PAX5: variants seen among roughly 807,000 people sequenced by gnomAD.
The protein encoded by PAX5 is paired box 5.
Under a neutral mutation model 43.7 loss-of-function variants are expected in PAX5, and 9 were observed. The ratio of observed to expected loss-of-function variants is 0.21; its 90% CI spans 0.12 to 0.36. The LOEUF is 0.36. Ranked by LOEUF, PAX5 falls within the 10% of genes least tolerant of loss-of-function variation. The pLI is 1.00. For missense variants in PAX5, 383 were observed against 532.7 expected (o/e 0.72, Z 2.77); for synonymous variants, 228 against 214.3 (o/e 1.06, Z -0.56).
At chr9:36,930,739 C>T (rs971694864) in intron 6 of PAX5, 56 of 755,910 alleles carry the variant, frequency 7.4e-5, no homozygotes, top group African/African-American at 7.0e-4. Flanking sequence ...CCTACCTCGA[C>T]GATCATGAGA....
intron 5 of PAX5, among the ~76,000 whole-genome samples, chr9:36,972,553 A>G (rs548917264): frequency 6.6e-6 from 1 of 152,272 alleles, no homozygotes; most frequent in East Asian, 1.9e-4. Context: ...CTCCCTGGCT[A>G]TGATCCATCC....
intron 5 of PAX5, among the ~76,000 whole-genome samples, chr9:36,981,081 G>A (rs550800396): frequency 1.0e-3 from 158 of 151,870 alleles, no homozygotes; most frequent in Admixed American, 1.8e-3. Flanking sequence ...CCCTCTCTCC[G>A]GAAACTTCCT....
chr9:36,937,619 T>C (rs1831672111), intron 6 of PAX5, among the ~76,000 whole-genome samples: 1 of 152,200 alleles, frequency 6.6e-6, no homozygotes, highest in Non-Finnish European at 1.5e-5. Context: ...CCCACCTGAC[T>C]CTGCACCTTT....
intron 6 of PAX5, among the ~76,000 whole-genome samples, chr9:36,947,570 G>A (rs1832641094): frequency 6.6e-6 from 1 of 152,116 alleles, no homozygotes; most frequent in East Asian, 1.9e-4. Context: ...TAGAGATGGG[G>A]TCTTGCTCTG....
At chr9:36,968,087 G>T (rs966393968) in intron 5 of PAX5, among the ~76,000 whole-genome samples, 6 of 152,218 alleles carry the variant, frequency 3.9e-5, no homozygotes, top group African/African-American at 1.2e-4. Context: ...TATTGCTCAC[G>T]CAAGGCTGAC....
At chr9:36,949,376 T>C (rs2132099954) in intron 6 of PAX5, among the ~76,000 whole-genome samples, 1 of 152,190 alleles carries the variant, frequency 6.6e-6, no homozygotes, top group Middle Eastern at 3.4e-3. Flanking sequence ...AGTATTGTTA[T>C]TATCCCCATT....
intron 6 of PAX5, among the ~76,000 whole-genome samples, chr9:36,956,849 A>AC (rs1319303639): frequency 6.6e-6 from 1 of 152,196 alleles, no homozygotes; most frequent in Non-Finnish European, 1.5e-5. Flanking sequence ...GTCTAGAGGC[A>AC]CCCGGCACTT....
intron 3 of PAX5, among the ~76,000 whole-genome samples, chr9:37,008,458 C>T (rs1838651998): frequency 6.6e-6 from 1 of 152,248 alleles, no homozygotes; most frequent in South Asian, 2.1e-4. Context: ...TGAGGCTGCA[C>T]TGGGTCTCCA....
chr9:36,836,928 G>T lies in PAX5; in HGVS notation c.*3632C>A, dbSNP rs1448477713. 1 of 232,576 alleles carries T rather than the reference G, an allele frequency of 4.3e-6. No homozygotes were observed. The highest frequency in any genetic ancestry group is 2.2e-5 in the African/African-American group (1 of 45,328). The allele number at this position is 232,576 out of a possible 1,614,324, so 14.4% of individuals were successfully genotyped here. ...GAACCTCAGGGACAGCTGGGAAAGA[G>T]TCTGGATGAAACCTCAGAAGCACTG... is the stretch of plus-strand genomic sequence containing the variant. On this transcript the variant is annotated 3_prime_UTR_variant, in exon 10 of 10. Transcript: ENST00000358127.
Position 37,031,291 on chromosome 9 carries a change from G to A in PAX5, c.46+2695C>T, listed in dbSNP as rs191621093. Among the ~76,000 whole-genome samples, 10 of 152,334 alleles carry A rather than the reference G, an allele frequency of 6.6e-5. No individual in the cohort carries two copies. The East Asian group carries it at 1.9e-3, about 29-fold the overall frequency. On this transcript the variant is annotated intron_variant, in intron 1 of 9. Coordinates refer to ENST00000358127, the MANE Select transcript of PAX5 (RefSeq NM_016734.3). ...CTTGAGACAGGCAGCCCCTTCTAAA[G>A]CCTCTGCTTCCCCGTTTGTTTAATA...
chr9:36,930,623 C>A (rs1171312330), intron 6 of PAX5, among the ~76,000 whole-genome samples: 2 of 152,184 alleles, frequency 1.3e-5, no homozygotes, highest in Non-Finnish European at 2.9e-5. Flanking sequence ...TGTCCCAGCT[C>A]TGCCCCTTTC....
Position 36,853,027 on chromosome 9 carries a change from T to G in PAX5, c.1013-6098A>C, listed in dbSNP as rs62533251. ...ATACAGCAAAGTTGAAAGAATGTTA[T>G]AGTGAACACCTATGTAGCCACCTCC... On this transcript the variant is annotated intron_variant, in intron 8 of 9. Transcript: ENST00000358127. Among the ~76,000 whole-genome samples, 305 of 152,346 alleles carry G rather than the reference T, an allele frequency of 2.0e-3. 1 individual carries two copies. The highest frequency in any genetic ancestry group is 3.7e-3 in the Non-Finnish European group (251 of 68,042).
At chr9:36,881,517 A>G (rs888036635) in intron 8 of PAX5, among the ~76,000 whole-genome samples, 9 of 152,060 alleles carry the variant, frequency 5.9e-5, no homozygotes, top group African/African-American at 2.2e-4. Flanking sequence ...TGTTCAGTTT[A>G]GAATCAAATG....
Position 36,834,665 on chromosome 9 carries a change from G to A in PAX5, c.*5895C>T, listed in dbSNP as rs115100605. 627 of 233,220 alleles carry A rather than the reference G, an allele frequency of 2.7e-3. 4 individuals are homozygous for A. Among genetic ancestry groups the A allele is most frequent in the African/African-American group, 0.013 (575 of 45,448 alleles). The allele number at this position is 233,220 out of a possible 1,614,324, so 14.4% of individuals were successfully genotyped here. On this transcript the variant is annotated 3_prime_UTR_variant, in exon 10 of 10. Coordinates refer to ENST00000358127, the MANE Select transcript of PAX5 (RefSeq NM_016734.3). ...TGTATTCATGCTTGAAAAGAAGGGC[G>A]CCATTAAATGGTTTCCTTTCTGTTC... is the stretch of plus-strand genomic sequence containing the variant.
intron 8 of PAX5, among the ~76,000 whole-genome samples, chr9:36,858,573 C>G (rs1823886156): frequency 6.6e-6 from 1 of 152,168 alleles, no homozygotes; most frequent in Non-Finnish European, 1.5e-5. Flanking sequence ...TAAAAATGTT[C>G]TATGAGGCTT....
At chr9:36,956,344 A>G (rs1833474476) in intron 6 of PAX5, among the ~76,000 whole-genome samples, 1 of 152,266 alleles carries the variant, frequency 6.6e-6, no homozygotes, top group African/African-American at 2.4e-5. Context: ...GCCTGTCATC[A>G]AAAAGAGTGG....
intron 5 of PAX5, among the ~76,000 whole-genome samples, chr9:36,980,970 C>G (rs1443914867): frequency 6.6e-6 from 1 of 151,988 alleles, no homozygotes; most frequent in African/African-American, 2.4e-5. Context: ...CTCGTTTCCT[C>G]CCACTCTTTC....
chr9:36,938,133 T>C (rs1430604312), intron 6 of PAX5, among the ~76,000 whole-genome samples: 1 of 152,204 alleles, frequency 6.6e-6, no homozygotes, highest in African/African-American at 2.4e-5. Flanking sequence ...TGTTTCTGCT[T>C]GTATGCCTTT....
intron 6 of PAX5, among the ~76,000 whole-genome samples, chr9:36,962,133 C>T (rs1393461822): frequency 6.6e-6 from 1 of 152,156 alleles, no homozygotes; most frequent in East Asian, 1.9e-4. Context: ...CCTGCCTGGC[C>T]CCAATGAGGA....
Sources: allele counts gnomAD v4.1 joint callset (sites outside exome capture counted in the v4.1 genomes callset), GRCh38; gene constraint gnomAD v4.1.1; transcripts MANE v1.5; gene names NCBI Gene and HGNC (gene_info 2026-07-23, HGNC 2026-07-21).